The following C19orf38 variants were observed in gnomAD, a reference collection of about 807,000 sequenced individuals.
C19orf38 encodes the protein chromosome 19 open reading frame 38.
C19orf38 carries 14 observed loss-of-function variants against 26.6 expected under a neutral mutation model. That is an observed-to-expected ratio of 0.53 (90% CI 0.35 to 0.82). The LOEUF is 0.82. C19orf38 is among the 40% of genes least tolerant of loss of function. The pLI, the probability that C19orf38 is intolerant of heterozygous loss-of-function variation, is 0.01. For missense variants in C19orf38, 261 were observed against 299.5 expected, an observed-to-expected ratio of 0.87 and a Z score of 0.95; for synonymous variants, 132 against 128.5, an observed-to-expected ratio of 1.03 and a Z score of -0.18.
chr19:10,852,569 TGAG>T (rs1442250620), intron 2 of C19orf38, among the ~76,000 whole-genome samples: 1 of 151,950 alleles, frequency 6.6e-6, no homozygotes, highest in East Asian at 1.9e-4. Flanking sequence ...AACTGAATGA[TGAG>T]GAGGAGCCAA....
rs1421772774 is a variant in C19orf38 at position 10,851,714 on chromosome 19, A to G, written c.340+1147A>G. On this transcript the variant is annotated intron_variant, in intron 2 of 6. Transcript: ENST00000397820. Reference sequence around the variant, plus strand: ...CTGGGCGTGGTGGCTCACGCCTGTAATCCCAGCACTTTGGGAGGCCGAGGC... The same window carrying G: ...CTGGGCGTGGTGGCTCACGCCTGTAGTCCCAGCACTTTGGGAGGCCGAGGC... Among the ~76,000 whole-genome samples the G allele has an allele frequency of 2.0e-5, 3 of 151,844 alleles. No homozygotes were observed. The East Asian group carries it at 5.9e-4, about 30-fold the overall frequency.
chr19:10,857,364 A>ATTTTTTTT (rs1484640109), intron 3 of C19orf38, among the ~76,000 whole-genome samples: 19 of 78,170 alleles, frequency 2.4e-4, no homozygotes, highest in African/African-American at 1.6e-3. Flanking sequence ...ATATATATAT[A>ATTTTTTTT]TATTTTTTTT....
intron 1 of C19orf38, among the ~76,000 whole-genome samples, chr19:10,840,656 C>G (rs1415561478): frequency 1.3e-5 from 2 of 152,160 alleles, no homozygotes; most frequent in African/African-American, 4.8e-5. Context: ...GTAGGTGGGA[C>G]TATGGGCGCA....
At chr19:10,865,656 A>G (rs1183164260) in intron 6 of C19orf38, among the ~76,000 whole-genome samples, 1 of 152,140 alleles carries the variant, frequency 6.6e-6, no homozygotes, top group Non-Finnish European at 1.5e-5. Context: ...TTTCCGTATG[A>G]AAAGCATTCA....
rs1360274869 is a variant in C19orf38 at position 10,856,333 on chromosome 19, G to A, written c.409G>A (p.Ala137Thr). 3.9e-6 allele frequency: 6 copies of A among 1,551,034 alleles called. No individual in the cohort carries two copies. The Admixed American group carries it at 1.2e-4, about 30-fold the overall frequency. The change falls in exon 3 of 7, where the codon GCT (alanine) becomes ACT (threonine). Residue 137 changes from alanine to threonine, a missense_variant. By Grantham distance (58) the Ala-to-Thr change is moderately conservative. Coordinates refer to ENST00000397820, the MANE Select transcript of C19orf38 (RefSeq NM_001136482.3). ...CCTCTTCCTCCTTGCTGGGCTGGTG[G>A]CTGTTGCCCTGGTGGTCAGAAAAGG... is the stretch of plus-strand genomic sequence containing the variant. ...GALFLLAGLV[A>T]VALVVRKVKL...
In C19orf38 at chr19:10,837,503, CTTTTT is replaced by C. The variant is rs958209460; in HGVS notation, c.-69+750_-69+754del. Among the ~76,000 whole-genome samples, 5 of 93,632 alleles carry C rather than the reference CTTTTT, an allele frequency of 5.3e-5. No individual in the cohort carries two copies. In the South Asian group the frequency reaches 1.5e-3, roughly 28 times the overall value. 61.4% of individuals were successfully genotyped at this position (93,632 alleles called of 152,430 possible). On this transcript the variant is annotated intron_variant, in intron 1 of 7. Transcript: ENST00000592854. ...TCTTTTTTTTTTTAATTTTTTTTTC[CTTTTT>C]TTTTTTTTTTTTTTTTGAGACAGAG...
At chr19:10,863,058 A>C in intron 5 of C19orf38, 112 bp from the exon 6 acceptor site, 1 of 1,095,688 alleles carries the variant, frequency 9.1e-7, no homozygotes, top group Non-Finnish European at 1.4e-6. Context: ...GGATGCTGGG[A>C]GATGGACCCC....
rs2073481157 is a variant in C19orf38, at chr19:10,841,941, A to C, written c.-69+5171A>C. 70 of 1,609,080 alleles carry C rather than the reference A, an allele frequency of 4.4e-5. No homozygotes were observed. The South Asian group carries it at 7.5e-4, about 17-fold the overall frequency. On this transcript the variant is annotated intron_variant, in intron 1 of 7. Coordinates refer to the C19orf38 transcript ENST00000592854. The stretch of plus-strand genomic sequence containing the variant: ...GTGGCAACTCCTAGGATTTGTCACG[A>C]ATGGGAAGCCAAGTGCCATCTTCAA...
At chr19:10,856,944 G>T (rs1044998417) in intron 3 of C19orf38, among the ~76,000 whole-genome samples, 1 of 151,686 alleles carries the variant, frequency 6.6e-6, no homozygotes, top group African/African-American at 2.4e-5. Context: ...CCACAGGTGC[G>T]TGCCACCACA....
chr19:10,847,942 C>T (rs2073531224), upstream of C19orf38, among the ~76,000 whole-genome samples: 1 of 151,996 alleles, frequency 6.6e-6, no homozygotes, highest in Non-Finnish European at 1.5e-5. Context: ...CCTGAAATCC[C>T]AGCACTTTGG....
At chr19:10,848,686 CT>C (rs2073539250) in intron 1 of C19orf38, 147 bp downstream of exon 1, 11 of 685,388 alleles carry the variant, frequency 1.6e-5, no homozygotes, top group Non-Finnish European at 2.3e-5. Flanking sequence ...GGTTTTCCCC[CT>C]GAGCCTTGGA....
At chr19:10,837,007 G>A (rs2073437270) in intron 1 of C19orf38, among the ~76,000 whole-genome samples, 1 of 152,170 alleles carries the variant, frequency 6.6e-6, no homozygotes. Context: ...GTGTGGGACT[G>A]GGAGCCACGT....
At chr19:10,839,731 CTTTT>C (rs1235370560) in intron 1 of C19orf38, among the ~76,000 whole-genome samples, 3 of 132,416 alleles carry the variant, frequency 2.3e-5, no homozygotes, top group Non-Finnish European at 3.3e-5. Context: ...TTCTTTTGTT[CTTTT>C]TTTTTTTTTT....
intron 1 of C19orf38, among the ~76,000 whole-genome samples, chr19:10,837,794 A>G (rs1180498694): frequency 6.7e-6 from 1 of 150,300 alleles, no homozygotes; most frequent in African/African-American, 2.5e-5. Context: ...GGCGTGAGCC[A>G]CTGCACCCGG....
At chr19:10,859,656 T>A (rs1024828083) in intron 4 of C19orf38, among the ~76,000 whole-genome samples, 5 of 151,970 alleles carry the variant, frequency 3.3e-5, no homozygotes, top group African/African-American at 1.2e-4. Flanking sequence ...AGTGCTGGGA[T>A]TACAGGCGTG....
At chr19:10,841,516 G>A (rs2073477723) in intron 1 of C19orf38, among the ~76,000 whole-genome samples, 1 of 151,694 alleles carries the variant, frequency 6.6e-6, no homozygotes, top group South Asian at 2.1e-4. Flanking sequence ...CTCGCGGCCG[G>A]GCACAGTGGC....
intron 1 of C19orf38, chr19:10,841,847 AATCCCATTTCCTGAGGGAATGGGAGG>A: frequency 3.5e-6 from 5 of 1,413,174 alleles, no homozygotes; most frequent in Non-Finnish European, 5.0e-6. Context: ...GCATGGGAAC[AATCCCATTTCCTGAGGGAATGGGAGG>A]ATCTGTCTAC....
intron 1 of C19orf38, among the ~76,000 whole-genome samples, chr19:10,839,175 G>A (rs2073460928): frequency 6.6e-6 from 1 of 152,122 alleles, no homozygotes; most frequent in African/African-American, 2.4e-5. Context: ...AAAGTGCTGG[G>A]ATTACTGGTG....
chr19:10,842,200 A>G (rs2073483149), intron 1 of C19orf38: 3 of 1,502,694 alleles, frequency 2.0e-6, no homozygotes, highest in South Asian at 1.1e-5. Flanking sequence ...CTGAAATGGT[A>G]TGAAAACTTT....
Sources: allele counts gnomAD v4.1 joint callset (sites outside exome capture counted in the v4.1 genomes callset), GRCh38; gene constraint gnomAD v4.1.1; transcripts MANE v1.5; gene names NCBI Gene and HGNC (gene_info 2026-07-23, HGNC 2026-07-21).